FAM117B: variants seen among roughly 807,000 people sequenced by gnomAD.
FAM117B encodes the protein family with sequence similarity 117 member B.
In FAM117B, 22 loss-of-function variants were observed where a neutral mutation model predicts 52.8. That is an observed-to-expected ratio of 0.42 (90% CI 0.30 to 0.59). The LOEUF is 0.59. Among genes scored for constraint, FAM117B ranks in the 20% least tolerant of loss-of-function variants. The probability of loss-of-function intolerance (pLI) is 0.22; values close to 1 mark genes in which losing one functional copy is unlikely to be tolerated. For missense variants in FAM117B, 678 were observed against 802.6 expected (o/e 0.84, Z 1.88); for synonymous variants, 309 against 324.1 (o/e 0.95, Z 0.50).
chr2:202,742,600 C>A (rs7340229), intron 4 of FAM117B, among the ~76,000 whole-genome samples: 73,669 of 151,588 alleles, frequency 0.49, 18,595 homozygotes, highest in Middle Eastern at 0.62. Flanking sequence ...GTGAATTCTT[C>A]TGTAATCTCA....
At position 202,709,205 on chromosome 2, in the gene FAM117B, C is replaced by CTT. The variant is rs200629877; in HGVS notation, c.753+13185_753+13186dup. 2.6e-4 allele frequency among the ~76,000 whole-genome samples: 38 copies of CTT among 143,436 alleles called. No homozygotes were observed. The East Asian group carries it at 7.5e-3, about 28-fold the overall frequency. The allele number at this position is 143,436 out of a possible 152,430, so 94.1% of individuals were successfully genotyped here. The stretch of plus-strand genomic sequence containing the variant: ...TTTTTTTTTCCCCAAGTCCTTAGAC[C>CTT]TTTTTTTTTTTTTCCAGACAGGGTT... On this transcript the variant is annotated intron_variant, in intron 2 of 7. Transcript: ENST00000392238.
chr2:202,645,589 G>A (rs547241145), intron 1 of FAM117B, among the ~76,000 whole-genome samples: 3 of 143,812 alleles, frequency 2.1e-5, no homozygotes, highest in Admixed American at 7.0e-5. Context: ...GCGCCCGGCA[G>A]CCTGTTTTTA....
intron 2 of FAM117B, among the ~76,000 whole-genome samples, chr2:202,704,894 C>A (rs113035327): frequency 6.6e-6 from 1 of 152,024 alleles, no homozygotes; most frequent in East Asian, 1.9e-4. Flanking sequence ...TGAGCCAGTG[C>A]GCCTGGCCTG....
intron 2 of FAM117B, among the ~76,000 whole-genome samples, chr2:202,702,026 G>C (rs1165243525): frequency 2.0e-5 from 3 of 152,188 alleles, no homozygotes; most frequent in Non-Finnish European, 4.4e-5. Context: ...ACGCAGCATT[G>C]TGTGCTACAG....
chr2:202,708,745 T>C (rs1190546852), intron 2 of FAM117B, among the ~76,000 whole-genome samples: 1 of 152,046 alleles, frequency 6.6e-6, no homozygotes, highest in African/African-American at 2.4e-5. Context: ...AGCTGGACTC[T>C]AGGCATGTGC....
chr2:202,758,804 T>G (rs1691840480), intron 6 of FAM117B, among the ~76,000 whole-genome samples: 2 of 152,214 alleles, frequency 1.3e-5, no homozygotes, highest in Non-Finnish European at 2.9e-5. Flanking sequence ...TGGCATCCGG[T>G]AGCTCTCACT....
chr2:202,741,471 T>C (rs1691536825), intron 4 of FAM117B, among the ~76,000 whole-genome samples: 1 of 131,242 alleles, frequency 7.6e-6, no homozygotes, highest in African/African-American at 2.9e-5. Flanking sequence ...GAAATAAAAC[T>C]CCCTTTCAGA....
At chr2:202,757,118 T>C in intron 5 of FAM117B, 95 bp from the exon 6 acceptor site, 1 of 1,212,572 alleles carries the variant, frequency 8.2e-7, no homozygotes, top group Non-Finnish European at 1.2e-6. Context: ...GATTTGTGAG[T>C]CTCTGGCACT....
intron 4 of FAM117B, among the ~76,000 whole-genome samples, chr2:202,747,151 C>A (rs1457608702): frequency 6.6e-6 from 1 of 152,052 alleles, no homozygotes; most frequent in Non-Finnish European, 1.5e-5. Flanking sequence ...TGTGATATAT[C>A]ACATCAACAG....
chr2:202,756,223 T>A (rs947805971), intron 5 of FAM117B, among the ~76,000 whole-genome samples: 1 of 152,018 alleles, frequency 6.6e-6, no homozygotes, highest in African/African-American at 2.4e-5. Flanking sequence ...TCAAGACCCA[T>A]CTGGCCAACA....
chr2:202,719,782 C>G lies in FAM117B; in HGVS notation c.754-5135C>G, dbSNP rs80240529. Reference sequence around the variant, plus strand: ...CACACATGGCATTTACATGTCATTTCTCTTCAATATCCTTTAATCTAGAGA... The same window carrying G: ...CACACATGGCATTTACATGTCATTTGTCTTCAATATCCTTTAATCTAGAGA... On this transcript the variant is annotated intron_variant, in intron 2 of 7. Transcript: ENST00000392238. Among the ~76,000 whole-genome samples, 526 of 152,260 alleles carry G rather than the reference C, an allele frequency of 3.5e-3. 6 individuals carry two copies. The highest frequency in any genetic ancestry group is 0.011 in the East Asian group (55 of 5,194).
intron 7 of FAM117B, among the ~76,000 whole-genome samples, chr2:202,764,424 T>G (rs554387127): frequency 1.1e-3 from 169 of 151,816 alleles, no homozygotes; most frequent in Non-Finnish European, 1.6e-3. Flanking sequence ...GCCGTCAGAC[T>G]AGATTATTTT....
intron 1 of FAM117B, among the ~76,000 whole-genome samples, chr2:202,673,035 G>A (rs976885607): frequency 1.3e-5 from 2 of 152,186 alleles, no homozygotes; most frequent in Non-Finnish European, 2.9e-5. Context: ...GCGACAGAGT[G>A]AGACCTCATT....
intron 4 of FAM117B, among the ~76,000 whole-genome samples, chr2:202,751,422 T>C (rs1464602340): frequency 6.6e-6 from 1 of 152,166 alleles, no homozygotes; most frequent in Non-Finnish European, 1.5e-5. Context: ...TCACATCAAA[T>C]GAACTAGACT....
chr2:202,639,603 G>A, intron 1 of FAM117B, among the ~76,000 whole-genome samples: 1 of 152,130 alleles, frequency 6.6e-6, no homozygotes, highest in East Asian at 1.9e-4. Context: ...GAGGTGAGGA[G>A]GATATACTTT....
chr2:202,648,954 G>A (rs1031363137), intron 1 of FAM117B, among the ~76,000 whole-genome samples: 6 of 151,922 alleles, frequency 3.9e-5, no homozygotes, highest in African/African-American at 4.8e-5. Flanking sequence ...GTGTTTCACC[G>A]TGTTGACCAG....
At chr2:202,697,833 A>C (rs960847389) in intron 2 of FAM117B, among the ~76,000 whole-genome samples, 1 of 151,966 alleles carries the variant, frequency 6.6e-6, no homozygotes, top group Admixed American at 6.6e-5. Context: ...TACAGGTGTG[A>C]GCCACCACAC....
At chr2:202,705,822 A>G (rs1469149374) in intron 2 of FAM117B, among the ~76,000 whole-genome samples, 2 of 152,230 alleles carry the variant, frequency 1.3e-5, no homozygotes, top group African/African-American at 2.4e-5. Context: ...TTTGCTGACT[A>G]TACCAATTTA....
At chr2:202,721,461 T>A (rs1008104460) in intron 2 of FAM117B, among the ~76,000 whole-genome samples, 3 of 152,198 alleles carry the variant, frequency 2.0e-5, no homozygotes, top group African/African-American at 7.2e-5. Context: ...CTTTCATATA[T>A]CTTTATGACC....
Sources: allele counts gnomAD v4.1 joint callset (sites outside exome capture counted in the v4.1 genomes callset), GRCh38; gene constraint gnomAD v4.1.1; transcripts MANE v1.5; gene names NCBI Gene and HGNC (gene_info 2026-07-23, HGNC 2026-07-21).